Variants in MAST1 observed in about 807,000 individuals in gnomAD.
The protein encoded by MAST1 is microtubule associated serine/threonine kinase 1.
In MAST1, 40 loss-of-function variants were observed where a neutral mutation model predicts 124.6. The observed-to-expected ratio is 0.32, with a 90% confidence interval of 0.25 to 0.42. The LOEUF (loss-of-function observed/expected upper bound fraction) is 0.42, where lower values mean the gene tolerates loss of function less well. MAST1 is among the 10% of genes least tolerant of loss of function. The pLI is 1.00. For missense variants in MAST1, 1,558 were observed against 2,181.9 expected, an observed-to-expected ratio of 0.71 and a Z score of 5.70; for synonymous variants, 938 against 939.4, an observed-to-expected ratio of 1.00 and a Z score of 0.03.
intron 7 of MAST1, among the ~76,000 whole-genome samples, chr19:12,851,438 A>G (rs1040041123): frequency 3.3e-5 from 5 of 150,566 alleles, no homozygotes; most frequent in African/African-American, 1.2e-4. Context: ...TAATTTTATT[A>G]TTTGTAGAGA....
intron 12 of MAST1, among the ~76,000 whole-genome samples, chr19:12,859,479 T>C (rs1005880953): frequency 3.3e-5 from 5 of 152,212 alleles, no homozygotes; most frequent in South Asian, 2.1e-4. Flanking sequence ...CTCAAATGCC[T>C]GGGCTCAATC....
chr19:12,848,027 G>A lies in MAST1; in HGVS notation c.744G>A (p.Leu248=). 2 of 1,614,106 alleles carry A rather than the reference G, an allele frequency of 1.2e-6. No individual in the cohort carries two copies. Among genetic ancestry groups the A allele is most frequent in the Non-Finnish European group, 1.7e-6 (2 of 1,179,990 alleles). The change falls in exon 7 of 26, where the codon TTG becomes TTA. Residue 248 remains leucine, a synonymous_variant. Transcript: ENST00000251472. The part of the protein sequence containing the change: ...GLITTVYFYE[L]QENLEKLLQD... ...TCACCACGGTCTACTTCTATGAATT[G>A]CAGGAGAACCTGGAGAAGCTCCTTC...
In MAST1 at chr19:12,874,878, G is replaced by T; in HGVS notation, c.*8G>T. Reference sequence around the variant, plus strand: ...GCACCCCCGGGACCATAGCCAAGGGGGTCATCGGCCCCGCGCTGTACAGCC... The same window carrying T: ...GCACCCCCGGGACCATAGCCAAGGGTGTCATCGGCCCCGCGCTGTACAGCC... On this transcript the variant is annotated 3_prime_UTR_variant, in exon 26 of 26. Transcript: ENST00000251472. The surrounding 1 kb of genome is among the most constrained non-coding windows in gnomAD (Gnocchi z 6.6). 4 of 1,593,060 alleles carry T rather than the reference G, an allele frequency of 2.5e-6. No individual in the cohort carries two copies. Among genetic ancestry groups the T allele is most frequent in the Non-Finnish European group, 3.4e-6 (4 of 1,172,682 alleles).
At position 12,846,051 on chromosome 19, in the gene MAST1, C is replaced by G. The variant is rs115671785; in HGVS notation, c.328-1239C>G. On this transcript the variant is annotated intron_variant, in intron 4 of 25. Coordinates refer to ENST00000251472, the MANE Select transcript of MAST1 (RefSeq NM_014975.3). ...TGGGCAACATAGAGAGACCCTGTCT[C>G]TGCAAAAAAGAATTAGCCAAGCATG... 8.8e-3 allele frequency among the ~76,000 whole-genome samples: 1,343 copies of G among 152,066 alleles called. 23 individuals carry two copies. Among genetic ancestry groups the G allele is most frequent in the African/African-American group, 0.03 (1,226 of 41,472 alleles).
rs893091650 is a variant in MAST1 at position 12,841,402 on chromosome 19, C to T, written c.248+336C>T. On this transcript the variant is annotated intron_variant, in intron 3 of 25. Coordinates refer to ENST00000251472, the MANE Select transcript of MAST1 (RefSeq NM_014975.3). This position sits in a 1 kb window ranked among gnomAD's most constrained non-coding sequence, Gnocchi z 4.3. Reference sequence around the variant, plus strand: ...CAACAGGACGGGGCAGCCAAGATGACGTGCGCAAGCGCAGATTGCGCGATG... The same window carrying T: ...CAACAGGACGGGGCAGCCAAGATGATGTGCGCAAGCGCAGATTGCGCGATG... 1.3e-5 allele frequency among the ~76,000 whole-genome samples: 2 copies of T among 152,248 alleles called. No homozygotes were observed. The highest frequency in any genetic ancestry group is 4.8e-5 in the African/African-American group (2 of 41,470).
intron 3 of MAST1, among the ~76,000 whole-genome samples, chr19:12,842,100 C>T (rs905588791): frequency 6.6e-6 from 1 of 152,030 alleles, no homozygotes; most frequent in Non-Finnish European, 1.5e-5. Flanking sequence ...TGCAATGGCA[C>T]GAGTCTGCGA....
chr19:12,850,665 T>G (rs1969949390), intron 7 of MAST1, among the ~76,000 whole-genome samples: 1 of 152,216 alleles, frequency 6.6e-6, no homozygotes, highest in Non-Finnish European at 1.5e-5. Flanking sequence ...TACTTTTTTT[T>G]GGCTCAAGTT....
rs758152046 is a variant in MAST1, at chr19:12,865,324, G to A, written c.1647G>A (p.Gly549=). ...TGACAGCCTGCCCCCAGGTGTGTGGGACCCCAGAGTACATCGCGCCCGAGG... is the reference window on the plus strand; with the variant it reads ...TGACAGCCTGCCCCCAGGTGTGTGGAACCCCAGAGTACATCGCGCCCGAGG... ...AREFLDKQVC[G]TPEYIAPEVI... The change falls in exon 15 of 26, where the codon GGG becomes GGA. Residue 549 remains glycine, a synonymous_variant. Transcript: ENST00000251472. This position sits in a 1 kb window ranked among gnomAD's most constrained non-coding sequence, Gnocchi z 7.1. 12 of 1,591,758 alleles carry A rather than the reference G, an allele frequency of 7.5e-6. No homozygotes were observed. The Middle Eastern group carries it at 5.0e-4, about 67-fold the overall frequency.
chr19:12,851,633 C>T (rs1297358663), intron 7 of MAST1, among the ~76,000 whole-genome samples: 2 of 152,138 alleles, frequency 1.3e-5, no homozygotes, highest in African/African-American at 2.4e-5. Context: ...ATTACAGGCA[C>T]CTGCCACCAC....
At chr19:12,871,268 A>G in intron 24 of MAST1, 96 bp downstream of exon 24, 1 of 1,536,876 alleles carries the variant, frequency 6.5e-7, no homozygotes, top group Non-Finnish European at 8.9e-7. Context: ...AGCACGGGAA[A>G]GGTGGCGGGA....
intron 10 of MAST1, among the ~76,000 whole-genome samples, chr19:12,853,035 A>G (rs1969981514): frequency 6.6e-6 from 1 of 150,594 alleles, no homozygotes; most frequent in South Asian, 2.1e-4. Context: ...CAATGGCACT[A>G]TCTCAGCTCA....
At chr19:12,859,001 A>G in intron 12 of MAST1, 1 of 573,268 alleles carries the variant, frequency 1.7e-6, no homozygotes, top group East Asian at 2.8e-5. Flanking sequence ...CCTTCTATCT[A>G]CTGATGTGCT....
Position 12,868,676 on chromosome 19 carries a change from C to T in MAST1, c.2600C>T (p.Pro867Leu), listed in dbSNP as rs1224977895. 1 of 1,608,900 alleles carries T rather than the reference C, an allele frequency of 6.2e-7. No individual in the cohort carries two copies. Among genetic ancestry groups the T allele is most frequent in the South Asian group, 1.1e-5 (1 of 90,600 alleles). Residue 867 changes from proline (P) to leucine (L), a missense_variant, in exon 21 of 26, where the codon CCC becomes CTC. By Grantham distance (98) the Pro-to-Leu change is moderately conservative (BLOSUM62 -3). This residue lies in a region of MAST1 where 287 missense variants were observed against 308.0 expected (regional missense o/e 0.93). Coordinates refer to ENST00000251472, the MANE Select transcript of MAST1 (RefSeq NM_014975.3). ...CCACGCCCAGGTGACCTCTGCCCACCCTCGAAGGATGGGGATGCATCAGGC... is the reference window on the plus strand; with the variant it reads ...CCACGCCCAGGTGACCTCTGCCCACTCTCGAAGGATGGGGATGCATCAGGC... Reference protein sequence around the residue: ...DRPRPGDLCPPSKDGDASGPR... With the variant: ...DRPRPGDLCPLSKDGDASGPR...
rs1263698625 is a variant in MAST1, at chr19:12,847,714, G to GGGT, written c.564+29_564+31dup. The GGGT allele has an allele frequency of 6.2e-7, 1 of 1,610,280 alleles. No homozygotes were observed. Among genetic ancestry groups the GGGT allele is most frequent in the Non-Finnish European group, 8.5e-7 (1 of 1,177,544 alleles). ...TGAGGTGGGACCCGAGGCGGTCACG[G>GGGT]GGTGACCAGGCGGCCTGCACTCTCG... is the stretch of plus-strand genomic sequence containing the variant. On this transcript the variant is annotated intron_variant, in intron 6 of 25. Transcript: ENST00000251472. The surrounding 1 kb of genome is among the most constrained non-coding windows in gnomAD (Gnocchi z 5.5).
chr19:12,864,803 C>T lies in MAST1; in HGVS notation c.1367-6C>T. On this transcript the variant is annotated splice_region_variant and splice_polypyrimidine_tract_variant and intron_variant, in intron 12 of 25. Coordinates refer to ENST00000251472, the MANE Select transcript of MAST1 (RefSeq NM_014975.3). ...TTTTTATGCGGGCCCATTTCCTGGC[C>T]TGCAGGCGGCGACTGTGCCACCCTG... 1 of 1,613,676 alleles carries T rather than the reference C, an allele frequency of 6.2e-7. No homozygotes were observed. The highest frequency in any genetic ancestry group is 2.2e-5 in the East Asian group (1 of 44,882).
chr19:12,860,841 T>A (rs1477595051), intron 12 of MAST1, among the ~76,000 whole-genome samples: 1 of 152,002 alleles, frequency 6.6e-6, no homozygotes, highest in Non-Finnish European at 1.5e-5. Flanking sequence ...TTATGACACA[T>A]ACATGATCCC....
chr19:12,843,686 C>A lies in MAST1; in HGVS notation c.327+79C>A. On this transcript the variant is annotated intron_variant, in intron 4 of 25. Transcript: ENST00000251472. This position sits in a 1 kb window ranked among gnomAD's most constrained non-coding sequence, Gnocchi z 4.9. Reference sequence around the variant, plus strand: ...CCAGCCTGAAGACCCACACCCAGGCCAGCAGTCCAGGCTGGGCTTGATGAC... The same window carrying A: ...CCAGCCTGAAGACCCACACCCAGGCAAGCAGTCCAGGCTGGGCTTGATGAC... 7.8e-7 allele frequency: 1 copy of A among 1,276,984 alleles called. No homozygotes were observed. Among genetic ancestry groups the A allele is most frequent in the Non-Finnish European group, 1.1e-6 (1 of 896,316 alleles). The allele number at this position is 1,276,984 out of a possible 1,614,324, so 79.1% of individuals were successfully genotyped here.
intron 22 of MAST1, among the ~76,000 whole-genome samples, chr19:12,869,697 A>G (rs112514290): frequency 0.036 from 5,471 of 151,934 alleles, 342 homozygotes; most frequent in African/African-American, 0.13. Context: ...CGGCCTCTCA[A>G]ACTGCTGGGA....
In MAST1 at chr19:12,852,264, G is replaced by A. The variant is rs776229134; in HGVS notation, c.1009+17G>A. 41 of 1,613,944 alleles carry A rather than the reference G, an allele frequency of 2.5e-5. 2 individuals are homozygous for A. Among genetic ancestry groups the A allele is most frequent in the Middle Eastern group, 3.3e-4 (2 of 6,062 alleles). ...CCTTTCCAGGTGCCGGCTGGTGGGC[G>A]CAGGGGGACTGGGGGTGAGCAGGCC... On this transcript the variant is annotated intron_variant, in intron 9 of 25. Coordinates refer to ENST00000251472, the MANE Select transcript of MAST1 (RefSeq NM_014975.3).
Sources: gnomAD v4.1 joint callset for allele counts (sites outside exome capture counted in the v4.1 genomes callset) on GRCh38, gnomAD v4.1.1 for gene constraint, gnomAD v4.1.1 regional missense constraint, Gnocchi (gnomAD v3.1) non-coding constraint, MANE v1.5 for transcripts, NCBI Gene and HGNC (gene_info 2026-07-23, HGNC 2026-07-21) for gene names.